Variants in HDLBP observed in about 807,000 individuals in gnomAD.
HDLBP encodes vigilin.
In HDLBP, 30 loss-of-function variants were observed where a neutral mutation model predicts 137.3. The ratio of observed to expected loss-of-function variants is 0.22; its 90% CI spans 0.16 to 0.30. HDLBP has a LOEUF of 0.30. HDLBP is among the 10% of genes least tolerant of loss of function. The pLI is 1.00. For synonymous variants in HDLBP, 606 were observed against 596.0 expected (o/e 1.02, Z -0.24); for missense variants, 1,119 against 1,667.3 (o/e 0.67, Z 5.73).
chr2:241,283,965 A>G (rs1264159715), intron 1 of HDLBP, among the ~76,000 whole-genome samples: 4 of 152,122 alleles, frequency 2.6e-5, no homozygotes, highest in Non-Finnish European at 5.9e-5. Context: ...CCTGGATGAC[A>G]GCACATCTGT....
At chr2:241,300,519 T>A (rs1281803234) in intron 1 of HDLBP, among the ~76,000 whole-genome samples, 1 of 152,192 alleles carries the variant, frequency 6.6e-6, no homozygotes, top group Non-Finnish European at 1.5e-5. Context: ...AAGACAAGCA[T>A]AAGTACATAC....
chr2:241,257,831 CCATTAT>C (rs1270380842), intron 5 of HDLBP, among the ~76,000 whole-genome samples: 4 of 152,160 alleles, frequency 2.6e-5, no homozygotes, highest in Non-Finnish European at 5.9e-5. Context: ...AAACATGAAA[CCATTAT>C]CATTAACACA....
In HDLBP at chr2:241,272,587, G is replaced by A. The variant is rs971765322; in HGVS notation, c.-102-4046C>T. ...CCGGAACCGCCACGCGCGGTAAGCAGGACACCCGCGGGCGGGGGCCGCAGC... is the reference window on the plus strand; with the variant it reads ...CCGGAACCGCCACGCGCGGTAAGCAAGACACCCGCGGGCGGGGGCCGCAGC... On this transcript the variant is annotated intron_variant, in intron 1 of 27. Coordinates refer to ENST00000310931, the MANE Select transcript of HDLBP (RefSeq NM_005336.6). This position sits in a 1 kb window ranked among gnomAD's most constrained non-coding sequence, Gnocchi z 5.6. 56 of 984,086 alleles carry A rather than the reference G, an allele frequency of 5.7e-5. No homozygotes were observed. In the African/African-American group the frequency reaches 8.2e-4, roughly 14 times the overall value. The allele number at this position is 984,086 out of a possible 1,614,324, so 61.0% of individuals were successfully genotyped here. A position where few individuals can be genotyped will look rare whatever the true frequency, so the allele number is the denominator to read the frequency against.
chr2:241,271,271 C>A (rs570689605), intron 1 of HDLBP: 3 of 362,778 alleles, frequency 8.3e-6, no homozygotes, highest in South Asian at 1.1e-4. Context: ...TCAAACTATA[C>A]TGAACCTGGA....
At chr2:241,298,952 C>G (rs2075288150) in intron 1 of HDLBP, among the ~76,000 whole-genome samples, 1 of 152,228 alleles carries the variant, frequency 6.6e-6, no homozygotes, top group Admixed American at 6.5e-5. Context: ...GAACTAGATC[C>G]TTTCAGTGGA....
intron 1 of HDLBP, among the ~76,000 whole-genome samples, chr2:241,300,217 CAGTTCTTCCT>C (rs2075345168): frequency 6.6e-6 from 1 of 152,154 alleles, no homozygotes. Flanking sequence ...CCACCCCGCC[CAGTTCTTCCT>C]AGTAGAAGGC....
At chr2:241,294,124 T>C (rs1430734356) in intron 1 of HDLBP, among the ~76,000 whole-genome samples, 1 of 152,200 alleles carries the variant, frequency 6.6e-6, no homozygotes, top group African/African-American at 2.4e-5. Context: ...AGTAATTGTA[T>C]CTTCTGGTAG....
chr2:241,273,295 A>T (rs2074252273), intron 1 of HDLBP: 1 of 932,010 alleles, frequency 1.1e-6, no homozygotes, highest in Non-Finnish European at 1.3e-6. Flanking sequence ...CCTATTCCTT[A>T]TGTCCCTCAC....
intron 17 of HDLBP, 61 bp downstream of exon 17, chr2:241,242,399 G>A (rs1257390249): frequency 1.2e-5 from 17 of 1,412,042 alleles, no homozygotes; most frequent in African/African-American, 4.2e-5. Flanking sequence ...AGTGAGAAGC[G>A]AGAACACTGT....
intron 1 of HDLBP, among the ~76,000 whole-genome samples, chr2:241,283,138 TAGA>T (rs2074670910): frequency 6.6e-6 from 1 of 152,198 alleles, no homozygotes; most frequent in Admixed American, 6.5e-5. Flanking sequence ...GTGGTCTGGC[TAGA>T]AGATTAAACC....
chr2:241,235,824 CCCT>C (rs1574853256), intron 21 of HDLBP, among the ~76,000 whole-genome samples: 4 of 152,196 alleles, frequency 2.6e-5, no homozygotes, highest in African/African-American at 9.7e-5. Context: ...CCCAAGCCTA[CCCT>C]CCTGAATTAC....
intron 1 of HDLBP, 158 bp from the exon 2 acceptor site, chr2:241,268,699 AG>A (rs1313931761): frequency 6.1e-6 from 1 of 164,970 alleles, no homozygotes; most frequent in Non-Finnish European, 1.3e-5. Flanking sequence ...GTTTCTTGGA[AG>A]AAAAAAAAAA....
chr2:241,257,464 C>A (rs1361202978), intron 5 of HDLBP, among the ~76,000 whole-genome samples: 1 of 152,182 alleles, frequency 6.6e-6, no homozygotes, highest in Non-Finnish European at 1.5e-5. Flanking sequence ...AATTCCTGAC[C>A]TTGTGATCCG....
chr2:241,290,238 AAAG>A, intron 1 of HDLBP, among the ~76,000 whole-genome samples: 1 of 152,200 alleles, frequency 6.6e-6, no homozygotes, highest in Non-Finnish European at 1.5e-5. Context: ...TGGGGTAAGG[AAAG>A]AAGGGACAGG....
At chr2:241,277,917 C>T (rs575081525) in intron 1 of HDLBP, among the ~76,000 whole-genome samples, 4 of 152,020 alleles carry the variant, frequency 2.6e-5, no homozygotes, top group African/African-American at 9.7e-5. Context: ...GCCGAGACCA[C>T]GCCATTGCAC....
chr2:241,304,358 C>A (rs770784880), intron 1 of HDLBP, among the ~76,000 whole-genome samples: 45 of 152,202 alleles, frequency 3.0e-4, no homozygotes, highest in Admixed American at 6.5e-5. Flanking sequence ...GCTTGTGCAT[C>A]CATCACATGA....
chr2:241,250,817 C>G (rs2072080614), intron 11 of HDLBP: 1 of 152,204 alleles, frequency 6.6e-6, no homozygotes, highest in Non-Finnish European at 1.5e-5. Flanking sequence ...GACATGGGAG[C>G]TGGGCAGCAG....
chr2:241,286,203 C>T (rs2074801165), intron 1 of HDLBP, among the ~76,000 whole-genome samples: 1 of 151,962 alleles, frequency 6.6e-6, no homozygotes, highest in South Asian at 2.1e-4. Context: ...CCTGTAATCC[C>T]AGCACTTTGG....
At chr2:241,265,460 C>T (rs1169383273) in intron 3 of HDLBP, among the ~76,000 whole-genome samples, 2 of 152,188 alleles carry the variant, frequency 1.3e-5, no homozygotes, top group Admixed American at 6.5e-5. Flanking sequence ...GCTGATCTCC[C>T]CCTGCCCTGC....
Sources: allele counts gnomAD v4.1 joint callset (sites outside exome capture counted in the v4.1 genomes callset), GRCh38; gene constraint gnomAD v4.1.1; non-coding constraint Gnocchi (gnomAD v3.1); transcripts MANE v1.5; gene names NCBI Gene and HGNC (gene_info 2026-07-23, HGNC 2026-07-21).